ECH1: variants seen among roughly 807,000 people sequenced by gnomAD.
The protein encoded by ECH1 is enoyl-CoA hydratase 1, also known as delta(3,5)-Delta(2,4)-dienoyl-CoA isomerase, mitochondrial.
A neutral mutation model predicts 37.0 loss-of-function variants in ECH1; 30 were observed. The ratio of observed to expected loss-of-function variants is 0.81; its 90% CI spans 0.61 to 1.10. The LOEUF (loss-of-function observed/expected upper bound fraction) is 1.10. Ranked by LOEUF, ECH1 falls within the 50% of genes least tolerant of loss-of-function variation. ECH1 has a pLI of 0.00. For synonymous variants in ECH1, 178 were observed against 176.0 expected, an observed-to-expected ratio of 1.01 and a Z score of -0.09; for missense variants, 456 against 441.6, an observed-to-expected ratio of 1.03 and a Z score of -0.29.
intron 3 of ECH1, chr19:38,819,196 T>C (rs1180246474): frequency 1.0e-6 from 1 of 985,284 alleles, no homozygotes; most frequent in Non-Finnish European, 1.2e-6. Context: ...CTGAGGGCTG[T>C]GCAGTGGTAC....
At position 38,831,724 on chromosome 19, in the gene ECH1, G is replaced by T. The variant is rs368453801; in HGVS notation, c.49C>A (p.Arg17=). 17 of 1,613,620 alleles carry T rather than the reference G, an allele frequency of 1.1e-5. No individual in the cohort carries two copies. Among genetic ancestry groups the T allele is most frequent in the Non-Finnish European group, 1.4e-5 (16 of 1,179,944 alleles). Residue 17 remains arginine (R), a synonymous_variant, in exon 1 of 10, where the codon CGG becomes AGG. Coordinates refer to ENST00000221418, the MANE Select transcript of ECH1 (RefSeq NM_001398.3). The stretch of plus-strand genomic sequence containing the variant: ...CATAAGGCAAGAGGTGACTCACGCC[G>T]GGTCAGTAGGTCGCGGAGTCTGCGA... ...ASRRLRDLLT[R]RLTGSNYPGL...
Position 38,831,481 on chromosome 19 carries a change from T to A in ECH1, c.88A>T (p.Ser30Cys), listed in dbSNP as rs770552849. Residue 30 changes from serine to cysteine, a missense_variant, in exon 2 of 10, where the codon AGC (serine) becomes TGC (cysteine). Coordinates refer to ENST00000221418, the MANE Select transcript of ECH1 (RefSeq NM_001398.3). ...GCAGAGGAGCCAGTGAGGCGAAGGC[T>A]AATACTGAGTCCCGGGTAGTTGGAG... is the stretch of plus-strand genomic sequence containing the variant. ...TGSNYPGLSISLRLTGSSAQE... is the reference protein window; with the variant it reads ...TGSNYPGLSICLRLTGSSAQE... 1.6e-5 allele frequency: 26 copies of A among 1,613,994 alleles called. No individual in the cohort carries two copies. The highest frequency in any genetic ancestry group is 2.1e-5 in the Non-Finnish European group (25 of 1,180,022).
intron 1 of ECH1, 39 bp from the exon 2 acceptor site, chr19:38,831,555 C>G: frequency 6.3e-7 from 1 of 1,586,458 alleles, no homozygotes; most frequent in South Asian, 1.1e-5. Flanking sequence ...CCCCAGACTG[C>G]AAGACACAGG....
chr19:38,825,414 C>A (rs977992446), intron 3 of ECH1, among the ~76,000 whole-genome samples: 1 of 152,168 alleles, frequency 6.6e-6, no homozygotes, highest in Non-Finnish European at 1.5e-5. Context: ...TATAGGAGGC[C>A]TTAAGAAAAT....
intron 3 of ECH1, among the ~76,000 whole-genome samples, chr19:38,826,866 AG>A (rs1360756261): frequency 6.6e-6 from 1 of 152,084 alleles, no homozygotes; most frequent in East Asian, 1.9e-4. Context: ...CTCCCAGTTC[AG>A]AAGCCTCGAG....
chr19:38,818,096 G>T, intron 3 of ECH1: 1 of 515,922 alleles, frequency 1.9e-6, no homozygotes, highest in Non-Finnish European at 2.5e-6. Flanking sequence ...GGGCTCAAGC[G>T]ATCCTCCCAC....
chr19:38,816,404 G>T (rs1971576908), intron 7 of ECH1, 49 bp from the exon 8 acceptor site: 2 of 1,613,752 alleles, frequency 1.2e-6, no homozygotes, highest in Non-Finnish European at 1.7e-6. Flanking sequence ...CCGGGGCTGG[G>T]AGATGCTCTG....
In ECH1 at chr19:38,831,394, GA is replaced by G. The variant is rs1345221562; in HGVS notation, c.174del (p.Arg59ValfsTer2). On this transcript the variant is annotated frameshift_variant, in exon 2 of 10. Coordinates refer to ENST00000221418, the MANE Select transcript of ECH1 (RefSeq NM_001398.3). LOFTEE classifies it high-confidence loss of function. ...ACATGTTTCTGCGCAGACGTCACAC[GA>G]AGGGACTCATAGCTGTGGTCTGGGG... ...GEAPDHSYES[L>X]RVTSAQKHVL... 2 of 1,613,998 alleles carry G rather than the reference GA, an allele frequency of 1.2e-6. No individual in the cohort carries two copies. Among genetic ancestry groups the G allele is most frequent in the Non-Finnish European group, 1.7e-6 (2 of 1,180,028 alleles).
intron 3 of ECH1, among the ~76,000 whole-genome samples, chr19:38,825,177 G>C (rs1020475923): frequency 9.2e-5 from 14 of 152,228 alleles, no homozygotes; most frequent in Non-Finnish European, 1.5e-5. Context: ...GTAAATGATA[G>C]AATGACACCT....
chr19:38,816,824 C>T, intron 6 of ECH1: 1 of 630,100 alleles, frequency 1.6e-6, no homozygotes, highest in Non-Finnish European at 2.8e-6. Context: ...CCGGCTCCAT[C>T]CTGCCTCCCA....
Position 38,831,508 on chromosome 19 carries a change from C to T in ECH1, c.61G>A (p.Gly21Ser). ...ATACTGAGTCCCGGGTAGTTGGAGC[C>T]TGTCAGTCCTGGGGAGAAAGGAACA... ...LRDLLTRRLTGSNYPGLSISL... is the reference protein window; with the variant it reads ...LRDLLTRRLTSSNYPGLSISL... Residue 21 changes from glycine to serine, a missense_variant, in exon 2 of 10, where the codon GGC (glycine) becomes AGC (serine). By Grantham distance (56) the Gly-to-Ser change is moderately conservative (BLOSUM62 0). Transcript: ENST00000221418. The T allele has an allele frequency of 6.2e-7, 1 of 1,613,664 alleles. No individual in the cohort carries two copies. Among genetic ancestry groups the T allele is most frequent in the African/African-American group, 1.3e-5 (1 of 75,026 alleles).
At chr19:38,817,737 G>T in intron 3 of ECH1, 162 bp from the exon 4 acceptor site, 1 of 985,362 alleles carries the variant, frequency 1.0e-6, no homozygotes, top group Non-Finnish European at 1.2e-6. Context: ...TGCATGTTGG[G>T]TGGGAAGGAA....
chr19:38,826,406 G>T (rs1232359738), intron 3 of ECH1, among the ~76,000 whole-genome samples: 5 of 152,152 alleles, frequency 3.3e-5, no homozygotes, highest in Non-Finnish European at 2.9e-5. Context: ...GCTCATAAAC[G>T]ATTACAGAAT....
At chr19:38,828,550 AGAT>A (rs1275852319) in intron 3 of ECH1, among the ~76,000 whole-genome samples, 5 of 151,938 alleles carry the variant, frequency 3.3e-5, no homozygotes, top group South Asian at 2.1e-4. Flanking sequence ...CCAAGCGAAA[AGAT>A]GATAAGGAGA....
At chr19:38,821,891 C>A (rs1453704802) in intron 3 of ECH1, among the ~76,000 whole-genome samples, 4 of 152,266 alleles carry the variant, frequency 2.6e-5, no homozygotes, top group African/African-American at 9.6e-5. Context: ...CCGCCTGCGG[C>A]CCTGGTGCAG....
intron 6 of ECH1, 46 bp downstream of exon 6, chr19:38,817,019 C>T (rs777554880): frequency 1.5e-5 from 23 of 1,550,486 alleles, no homozygotes; most frequent in Non-Finnish European, 2.0e-5. Context: ...CCCCCAACCT[C>T]ACCCCACTGC....
At chr19:38,830,101 G>A (rs1201667563) in intron 3 of ECH1, among the ~76,000 whole-genome samples, 1 of 152,210 alleles carries the variant, frequency 6.6e-6, no homozygotes, top group African/African-American at 2.4e-5. Context: ...AGGTTGCAGT[G>A]AGTTGAGATT....
At chr19:38,819,490 T>C (rs867786290) in intron 3 of ECH1, among the ~76,000 whole-genome samples, 1 of 151,904 alleles carries the variant, frequency 6.6e-6, no homozygotes, top group Non-Finnish European at 1.5e-5. Context: ...CTGACTCCCT[T>C]TCTAGAATGT....
At chr19:38,816,134 A>G in intron 8 of ECH1, 127 bp from the exon 9 acceptor site, 1 of 1,481,906 alleles carries the variant, frequency 6.7e-7, no homozygotes, top group Non-Finnish European at 9.1e-7. Flanking sequence ...CAATCAGAGC[A>G]GGGGGCTGAC....
Sources: allele counts gnomAD v4.1 joint callset (sites outside exome capture counted in the v4.1 genomes callset), GRCh38; gene constraint gnomAD v4.1.1; transcripts MANE v1.5; gene names NCBI Gene and HGNC (gene_info 2026-07-23, HGNC 2026-07-21).